Variants in MSI2 observed in about 807,000 individuals in gnomAD.
MSI2 encodes RNA-binding protein Musashi homolog 2.
A neutral mutation model predicts 45.6 loss-of-function variants in MSI2; 17 were observed. The ratio of observed to expected loss-of-function variants is 0.37; its 90% CI spans 0.26 to 0.56. The LOEUF (loss-of-function observed/expected upper bound fraction) is 0.56, where lower values mean the gene tolerates loss of function less well. MSI2 is among the 20% of genes least tolerant of loss of function. The probability of loss-of-function intolerance (pLI) is 0.77; values close to 1 mark genes in which losing one functional copy is unlikely to be tolerated. For synonymous variants in MSI2, 156 were observed against 158.2 expected (o/e 0.99, Z 0.11); for missense variants, 293 against 444.2 (o/e 0.66, Z 3.06).
chr17:57,526,227 GA>G (rs1291323620), intron 6 of MSI2, among the ~76,000 whole-genome samples: 1 of 150,946 alleles, frequency 6.6e-6, no homozygotes. Flanking sequence ...TGTCTCAAAG[GA>G]AAAAAAAGAA....
chr17:57,460,315 C>A lies in MSI2; in HGVS notation c.405+58844C>A, dbSNP rs561876425. On this transcript the variant is annotated intron_variant, in intron 6 of 13. Transcript: ENST00000284073. ...CTCCAGCCCGGGTGACAGAGCCAAA[C>A]CCTGTCTTGGGAAGGAAAGAAGGCA... 8.6e-5 allele frequency among the ~76,000 whole-genome samples: 13 copies of A among 150,946 alleles called. No homozygotes were observed. The South Asian group carries it at 2.5e-3, about 29-fold the overall frequency.
intron 5 of MSI2, among the ~76,000 whole-genome samples, chr17:57,322,525 A>G (rs1913431829): frequency 6.6e-6 from 1 of 151,960 alleles, no homozygotes; most frequent in African/African-American, 2.4e-5. Flanking sequence ...TGTAAATTTT[A>G]GGGGTGAAAT....
intron 7 of MSI2, among the ~76,000 whole-genome samples, chr17:57,546,174 C>T (rs62058102): frequency 0.022 from 3,339 of 152,216 alleles, 61 homozygotes; most frequent in Middle Eastern, 0.044. Flanking sequence ...TCTTTTGAGC[C>T]GAGACTGGAG....
intron 5 of MSI2, among the ~76,000 whole-genome samples, chr17:57,307,268 T>G (rs1263888541): frequency 6.6e-6 from 1 of 152,208 alleles, no homozygotes; most frequent in African/African-American, 2.4e-5. Context: ...CAGTTGACTT[T>G]AAGTAAAGCA....
In MSI2 at chr17:57,525,279, GGCAGGT is replaced by G. The variant is rs965116123; in HGVS notation, c.406-4395_406-4390del. Among the ~76,000 whole-genome samples the G allele has an allele frequency of 2.7e-3, 415 of 152,016 alleles. 1 individual carries two copies. Among genetic ancestry groups the G allele is most frequent in the South Asian group, 6.0e-3 (29 of 4,800 alleles). Reference sequence around the variant, plus strand: ...TACTTTACTTTGCTTTTTTGGGGGGGGCAGGTGGGGGAGGTTGTGTTTTGAGACAGG... The same window carrying G: ...TACTTTACTTTGCTTTTTTGGGGGGGGGGGGAGGTTGTGTTTTGAGACAGG... On this transcript the variant is annotated intron_variant, in intron 6 of 13. Transcript: ENST00000284073.
chr17:57,457,635 C>CTA (rs1313344000), intron 6 of MSI2, among the ~76,000 whole-genome samples: 2 of 152,146 alleles, frequency 1.3e-5, no homozygotes, highest in African/African-American at 4.8e-5. Flanking sequence ...TAATTCATGA[C>CTA]TATAATCCCA....
At chr17:57,438,795 T>A (rs115580887) in intron 6 of MSI2, among the ~76,000 whole-genome samples, 2,991 of 143,004 alleles carry the variant, frequency 0.021, 82 homozygotes, top group African/African-American at 0.059. Flanking sequence ...AGGTCTCCCA[T>A]AGGAATTTTT....
At chr17:57,511,640 G>GC (rs35716198) in intron 6 of MSI2, among the ~76,000 whole-genome samples, 30,210 of 152,018 alleles carry the variant, frequency 0.2, 4,468 homozygotes, top group African/African-American at 0.41. Flanking sequence ...TCTGCCTCTG[G>GC]CCTGCTGTGT....
At chr17:57,494,083 CG>C (rs1482658507) in intron 6 of MSI2, among the ~76,000 whole-genome samples, 3 of 152,114 alleles carry the variant, frequency 2.0e-5, no homozygotes, top group Non-Finnish European at 4.4e-5. Flanking sequence ...TCACAACTAC[CG>C]GGTGCGATAA....
chr17:57,686,734 A>G (rs1206335818), downstream of MSI2, among the ~76,000 whole-genome samples: 1 of 152,246 alleles, frequency 6.6e-6, no homozygotes, highest in African/African-American at 2.4e-5. Context: ...CCCAATTATC[A>G]GAGGAACTGA....
At chr17:57,498,875 G>A (rs893594918) in intron 6 of MSI2, among the ~76,000 whole-genome samples, 6 of 151,098 alleles carry the variant, frequency 4.0e-5, no homozygotes, top group African/African-American at 1.2e-4. Flanking sequence ...CCATTAACTC[G>A]TCATTTACAT....
the MSI2 span, among the ~76,000 whole-genome samples, chr17:57,698,302 C>T: frequency 3.6e-3 from 547 of 152,294 alleles, 2 homozygotes; most frequent in African/African-American, 0.013. Context: ...ATGTCCCATC[C>T]GCTGTCAAGG....
At chr17:57,289,809 C>T (rs1910252143) in intron 5 of MSI2, among the ~76,000 whole-genome samples, 1 of 152,244 alleles carries the variant, frequency 6.6e-6, no homozygotes, top group African/African-American at 2.4e-5. Context: ...CAGCCCGGTG[C>T]ACCCTGCTCT....
rs147385156 is a variant in MSI2 at position 57,488,352 on chromosome 17, T to C, written c.406-41324T>C. Among the ~76,000 whole-genome samples, 141 of 152,344 alleles carry C rather than the reference T, an allele frequency of 9.3e-4. No homozygotes were observed. In the Middle Eastern group the frequency reaches 0.024, roughly 26 times the overall value. On this transcript the variant is annotated intron_variant, in intron 6 of 13. Transcript: ENST00000284073. ...AATCAGCAATAGTTGAAATTTCCTA[T>C]CCTTGGGCAGGTCTTTTTTTCCTAC...
intron 5 of MSI2, among the ~76,000 whole-genome samples, chr17:57,383,443 G>A (rs1327402786): frequency 6.6e-6 from 1 of 152,170 alleles, no homozygotes; most frequent in Non-Finnish European, 1.5e-5. Flanking sequence ...GATCACCTGA[G>A]GTCAGGAGTT....
intron 5 of MSI2, among the ~76,000 whole-genome samples, chr17:57,388,665 C>CT (rs200792350): frequency 0.017 from 2,639 of 152,018 alleles, 76 homozygotes; most frequent in African/African-American, 0.059. Context: ...TTTTCTTTTT[C>CT]TTTTTTTTGG....
intron 6 of MSI2, among the ~76,000 whole-genome samples, chr17:57,525,192 A>G (rs2086671433): frequency 6.6e-6 from 1 of 152,196 alleles, no homozygotes. Context: ...AATATGTTCA[A>G]TACCTTCTGG....
intron 5 of MSI2, among the ~76,000 whole-genome samples, chr17:57,376,445 C>T (rs774366834): frequency 6.6e-6 from 1 of 152,188 alleles, no homozygotes; most frequent in Non-Finnish European, 1.5e-5. Flanking sequence ...TTGCTCAAAT[C>T]CCTTCTCGCC....
At chr17:57,521,303 G>A (rs537617891) in intron 6 of MSI2, among the ~76,000 whole-genome samples, 44 of 152,270 alleles carry the variant, frequency 2.9e-4, no homozygotes, top group Middle Eastern at 6.8e-3. Flanking sequence ...CCGGCTCTAG[G>A]ACAAACCAGT....
Sources: gnomAD v4.1 joint callset for allele counts (sites outside exome capture counted in the v4.1 genomes callset) on GRCh38, gnomAD v4.1.1 for gene constraint, MANE v1.5 for transcripts, NCBI Gene and HGNC (gene_info 2026-07-23, HGNC 2026-07-21) for gene names.